IL6ST: variants seen among roughly 807,000 people sequenced by gnomAD.
IL6ST encodes interleukin-6 receptor subunit beta.
A neutral mutation model predicts 91.3 loss-of-function variants in IL6ST; 24 were observed. That is an observed-to-expected ratio of 0.26 (90% confidence interval 0.19 to 0.37). The LOEUF (loss-of-function observed/expected upper bound fraction) is 0.37. Among genes scored for constraint, IL6ST ranks in the 10% least tolerant of loss-of-function variants. IL6ST has a pLI of 1.00. For missense variants in IL6ST, 914 were observed against 1,078.5 expected, an observed-to-expected ratio of 0.85 and a Z score of 2.14; for synonymous variants, 351 against 373.6, an observed-to-expected ratio of 0.94 and a Z score of 0.70.
At chr5:55,968,530 T>C (rs966223014) in intron 4 of IL6ST, 134 bp from the exon 5 acceptor site, 2 of 717,466 alleles carry the variant, frequency 2.8e-6, no homozygotes, top group Non-Finnish European at 4.6e-6. Context: ...ATGGACACAA[T>C]GAAAGGCTGA....
intron 1 of IL6ST, among the ~76,000 whole-genome samples, chr5:55,992,893 G>A (rs1245751024): frequency 2.0e-5 from 3 of 151,810 alleles, no homozygotes; most frequent in South Asian, 2.1e-4. Context: ...AGTTTTTTTC[G>A]TATAAGTTTG....
At position 55,944,863 on chromosome 5, in the gene IL6ST, A is replaced by G. The variant is rs1249581913; in HGVS notation, c.1938-2112T>C. 5.2e-6 allele frequency: 3 copies of G among 575,722 alleles called. No homozygotes were observed. In the African/African-American group the frequency reaches 5.7e-5, roughly 11 times the overall value. 35.7% of individuals were successfully genotyped at this position (575,722 alleles called of 1,614,324 possible). A position where few individuals can be genotyped will look rare whatever the true frequency, so the allele number is the denominator to read the frequency against. The stretch of plus-strand genomic sequence containing the variant: ...CTTGTCTCAATGGATCTAGAACTTC[A>G]TCGCCCTCTGATCGCCGATCACCTC... On this transcript the variant is annotated intron_variant, in intron 15 of 16. Coordinates refer to ENST00000381298, the MANE Select transcript of IL6ST (RefSeq NM_002184.4).
chr5:55,964,297 A>G lies in IL6ST; in HGVS notation c.507T>C (p.Phe169=). 1 of 1,610,540 alleles carries G rather than the reference A, an allele frequency of 6.2e-7. No individual in the cohort carries two copies. Among genetic ancestry groups the G allele is most frequent in the Non-Finnish European group, 8.5e-7 (1 of 1,177,994 alleles). The change falls in exon 6 of 17, where the codon TTT becomes TTC. Residue 169 remains phenylalanine (F), a synonymous_variant. Coordinates refer to ENST00000381298, the MANE Select transcript of IL6ST (RefSeq NM_002184.4). ...TGTCACGTTTTGCTTTGCAATCAGC[A>G]AACTTGTGTGTTGCCCTAAATACAA... is the stretch of plus-strand genomic sequence containing the variant. The part of the protein sequence containing the change: ...TLKSEWATHK[F]ADCKAKRDTP...
chr5:55,987,084 G>A (rs1364427136), intron 1 of IL6ST, among the ~76,000 whole-genome samples: 1 of 152,208 alleles, frequency 6.6e-6, no homozygotes, highest in Non-Finnish European at 1.5e-5. Flanking sequence ...AGGACTGCTT[G>A]AGCCTTGGAG....
chr5:55,964,506 A>C (rs1382815400), intron 5 of IL6ST, among the ~76,000 whole-genome samples, 194 bp from the exon 6 acceptor site: 1 of 152,242 alleles, frequency 6.6e-6, no homozygotes, highest in East Asian at 1.9e-4. Flanking sequence ...ATCTTAAAAC[A>C]TAAAATTATT....
At chr5:55,975,359 C>T (rs1753225337) in intron 3 of IL6ST, among the ~76,000 whole-genome samples, 1 of 152,106 alleles carries the variant, frequency 6.6e-6, no homozygotes, top group African/African-American at 2.4e-5. Flanking sequence ...ATGTGAGATG[C>T]CTCACTCCCC....
At chr5:55,985,018 G>A (rs1753875033) in intron 1 of IL6ST, among the ~76,000 whole-genome samples, 1 of 152,180 alleles carries the variant, frequency 6.6e-6, no homozygotes, top group African/African-American at 2.4e-5. Context: ...GATCAACTGG[G>A]TTTCCTGTTT....
At chr5:55,954,206 T>C (rs1030825877) in intron 11 of IL6ST, among the ~76,000 whole-genome samples, 1 of 152,326 alleles carries the variant, frequency 6.6e-6, no homozygotes, top group East Asian at 1.9e-4. Flanking sequence ...TAATTAACCA[T>C]ATTATTCACA....
chr5:55,942,979 C>T (rs981645264), intron 15 of IL6ST, among the ~76,000 whole-genome samples: 1 of 152,024 alleles, frequency 6.6e-6, no homozygotes, highest in Non-Finnish European at 1.5e-5. Context: ...ATTAACAAAG[C>T]TAAATCTAAT....
chr5:55,956,257 T>G (rs1751967108), intron 9 of IL6ST, 22 bp from the exon 10 acceptor site: 1 of 1,331,544 alleles, frequency 7.5e-7, no homozygotes, highest in Non-Finnish European at 1.1e-6. Flanking sequence ...TAGTTTATTT[T>G]TAAAAATAAT....
At chr5:55,968,467 C>G (rs1197222040) in intron 4 of IL6ST, 71 bp from the exon 5 acceptor site, 4 of 1,406,170 alleles carry the variant, frequency 2.8e-6, no homozygotes, top group East Asian at 4.7e-5. Flanking sequence ...ATATACTACC[C>G]AAGGCATTTG....
In IL6ST at chr5:55,940,796, A is replaced by C; in HGVS notation, c.*286T>G. On this transcript the variant is annotated 3_prime_UTR_variant, in exon 17 of 17. Coordinates refer to ENST00000381298, the MANE Select transcript of IL6ST (RefSeq NM_002184.4). ...TATGTAGCAAAACAAAAAGTTTTAT[A>C]AATTTCAGATAAGCTTTCTGTTTTT... 2.8e-6 allele frequency: 1 copy of C among 356,662 alleles called. No homozygotes were observed. The highest frequency in any genetic ancestry group is 7.7e-4 in the Middle Eastern group (1 of 1,304). The allele number at this position is 356,662 out of a possible 1,614,324, so 22.1% of individuals were successfully genotyped here. A position where few individuals can be genotyped will look rare whatever the true frequency, so the allele number is the denominator to read the frequency against.
At chr5:55,961,956 G>A (rs1299997706) in intron 7 of IL6ST, among the ~76,000 whole-genome samples, 5 of 152,282 alleles carry the variant, frequency 3.3e-5, no homozygotes, top group African/African-American at 9.6e-5. Context: ...AGGGTAGAGC[G>A]TAGATGTGGA....
In IL6ST at chr5:55,940,757, T is replaced by C. The variant is rs1239372941; in HGVS notation, c.*325A>G. The C allele has an allele frequency of 3.2e-5, 10 of 313,522 alleles. No homozygotes were observed. The East Asian group carries it at 4.5e-4, about 14-fold the overall frequency. The allele number at this position is 313,522 out of a possible 1,614,324, so 19.4% of individuals were successfully genotyped here. ...AGCATATCACTGCTTATTATTCAAA[T>C]ACCTTCTGTTTTCTATGTAGCAAAA... On this transcript the variant is annotated 3_prime_UTR_variant, in exon 17 of 17. Coordinates refer to ENST00000381298, the MANE Select transcript of IL6ST (RefSeq NM_002184.4).
intron 3 of IL6ST, among the ~76,000 whole-genome samples, chr5:55,970,658 CA>C (rs1279437294): frequency 1.2e-4 from 19 of 152,112 alleles, no homozygotes; most frequent in Admixed American, 2.6e-4. Flanking sequence ...CCCTGGACAA[CA>C]GAGTGAAAAT....
At chr5:55,943,361 A>G (rs1419424079) in intron 15 of IL6ST, among the ~76,000 whole-genome samples, 5 of 152,224 alleles carry the variant, frequency 3.3e-5, no homozygotes, top group African/African-American at 2.4e-5. Context: ...ATTTTTAATT[A>G]AAAACCTTCC....
intron 2 of IL6ST, among the ~76,000 whole-genome samples, chr5:55,977,997 TA>T (rs879640200): frequency 1.6e-3 from 224 of 141,858 alleles, no homozygotes; most frequent in Non-Finnish European, 1.4e-3. Context: ...AAATTCTATT[TA>T]AAAAAAAAAA....
chr5:55,961,838 C>T (rs984998929), intron 7 of IL6ST, among the ~76,000 whole-genome samples: 1 of 151,930 alleles, frequency 6.6e-6, no homozygotes, highest in Non-Finnish European at 1.5e-5. Context: ...CTTCTGTCTT[C>T]TCTCCTGCCT....
At chr5:55,967,759 T>A (rs2111798823) in intron 5 of IL6ST, among the ~76,000 whole-genome samples, 1 of 152,288 alleles carries the variant, frequency 6.6e-6, no homozygotes, top group African/African-American at 2.4e-5. Flanking sequence ...GTGATGGGTA[T>A]GTATGGGTAT....
Sources: allele counts gnomAD v4.1 joint callset (sites outside exome capture counted in the v4.1 genomes callset), GRCh38; gene constraint gnomAD v4.1.1; transcripts MANE v1.5; gene names NCBI Gene and HGNC (gene_info 2026-07-23, HGNC 2026-07-21).